Variants in RARB observed in about 807,000 individuals in gnomAD.
RARB encodes retinoic acid receptor beta, also known as HBV-activated protein.
In RARB, 17 loss-of-function variants were observed where a neutral mutation model predicts 51.9. The observed-to-expected ratio is 0.33, with a 90% CI of 0.22 to 0.49. RARB has a LOEUF of 0.49. Among genes scored for constraint, RARB ranks in the 20% least tolerant of loss-of-function variants. The pLI is 0.99. For synonymous variants in RARB, 215 were observed against 195.4 expected, an observed-to-expected ratio of 1.10 and a Z score of -0.84; for missense variants, 369 against 550.8, an observed-to-expected ratio of 0.67 and a Z score of 3.30.
At position 25,131,435 on chromosome 3, in the gene RARB, T is replaced by G; in HGVS notation, c.-327-726T>G. ...TTTCTTTTTAAACATTTTGATCAGA[T>G]GTAGGGTTTTATAGTCGTATTGTTT... On this transcript the variant is annotated intron_variant, in intron 3 of 11. Transcript: ENST00000383772. 1.3e-5 allele frequency among the ~76,000 whole-genome samples: 2 copies of G among 152,012 alleles called. 1 individual carries two copies. Among genetic ancestry groups the G allele is most frequent in the South Asian group, 4.1e-4 (2 of 4,836 alleles).
chr3:25,330,970 G>C (rs762046871), intron 5 of RARB, among the ~76,000 whole-genome samples: 1 of 152,194 alleles, frequency 6.6e-6, no homozygotes, highest in Admixed American at 6.5e-5. Flanking sequence ...AACAAGAAGA[G>C]TTAACTGTGC....
At chr3:25,070,660 C>T (rs936534305) in intron 3 of RARB, among the ~76,000 whole-genome samples, 6 of 152,192 alleles carry the variant, frequency 3.9e-5, no homozygotes, top group Non-Finnish European at 7.3e-5. Flanking sequence ...TTGCCAGACA[C>T]AATCCCTGAG....
intron 2 of RARB, among the ~76,000 whole-genome samples, chr3:24,891,188 C>T (rs965324214): frequency 3.3e-5 from 5 of 152,240 alleles, no homozygotes; most frequent in Non-Finnish European, 4.4e-5. Context: ...TATCTCATGA[C>T]GTTTTGCCTT....
chr3:25,532,091 T>A (rs1364335048), intron 3 of RARB, among the ~76,000 whole-genome samples: 5 of 152,150 alleles, frequency 3.3e-5, no homozygotes, highest in African/African-American at 7.2e-5. Flanking sequence ...TTATTTTGTG[T>A]CAATTTGCCT....
chr3:25,394,604 A>G (rs1375149428), intron 5 of RARB, among the ~76,000 whole-genome samples: 1 of 152,148 alleles, frequency 6.6e-6, no homozygotes, highest in African/African-American at 2.4e-5. Flanking sequence ...ATATATATTT[A>G]GGATTGTGAT....
At chr3:25,024,826 G>A (rs963197197) in intron 2 of RARB, among the ~76,000 whole-genome samples, 1 of 151,760 alleles carries the variant, frequency 6.6e-6, no homozygotes, top group Middle Eastern at 3.2e-3. Flanking sequence ...GGTGACACAC[G>A]GCAGTAGTCC....
chr3:25,434,884 T>G (rs918849889), intron 1 of RARB, among the ~76,000 whole-genome samples: 3 of 152,136 alleles, frequency 2.0e-5, no homozygotes, highest in Non-Finnish European at 4.4e-5. Context: ...CCCATCTGCA[T>G]CAGATGACAA....
At chr3:25,227,553 T>A (rs1259034306) in intron 5 of RARB, among the ~76,000 whole-genome samples, 2 of 152,178 alleles carry the variant, frequency 1.3e-5, no homozygotes, top group East Asian at 3.9e-4. Flanking sequence ...AAAGTAATTG[T>A]TGACAGCTTG....
At chr3:24,918,441 T>G (rs935355325) in intron 2 of RARB, among the ~76,000 whole-genome samples, 1 of 152,164 alleles carries the variant, frequency 6.6e-6, no homozygotes, top group Non-Finnish European at 1.5e-5. Flanking sequence ...GGGGTCTTTT[T>G]GGGGTGACGG....
At chr3:24,887,039 C>T (rs1468756716) in intron 2 of RARB, among the ~76,000 whole-genome samples, 1 of 152,186 alleles carries the variant, frequency 6.6e-6, no homozygotes, top group Non-Finnish European at 1.5e-5. Context: ...CTCATTTCTG[C>T]TTTTTTGAAT....
At chr3:25,554,140 G>A (rs73048068) in intron 3 of RARB, among the ~76,000 whole-genome samples, 26,821 of 150,188 alleles carry the variant, frequency 0.18, 2,956 homozygotes, top group East Asian at 0.37. Context: ...GGGATTTCCC[G>A]AGAGAAAGTA....
intron 2 of RARB, among the ~76,000 whole-genome samples, chr3:25,042,485 CT>C (rs1280513360): frequency 1.3e-5 from 2 of 152,202 alleles, no homozygotes; most frequent in South Asian, 2.1e-4. Context: ...CTGCTCATGA[CT>C]TTCTCTTCAG....
At chr3:25,258,452 A>G (rs1163388812) in intron 5 of RARB, among the ~76,000 whole-genome samples, 1 of 152,120 alleles carries the variant, frequency 6.6e-6, no homozygotes, top group Non-Finnish European at 1.5e-5. Flanking sequence ...GGTTTGCTTG[A>G]TGAAATGATT....
At chr3:24,871,973 T>G (rs1469808745) in intron 2 of RARB, among the ~76,000 whole-genome samples, 1 of 152,178 alleles carries the variant, frequency 6.6e-6, no homozygotes, top group Non-Finnish European at 1.5e-5. Context: ...CGGTCATCTC[T>G]TGACTTTGAA....
intron 2 of RARB, among the ~76,000 whole-genome samples, chr3:24,891,303 G>A (rs1045497116): frequency 3.3e-5 from 5 of 152,030 alleles, no homozygotes; most frequent in African/African-American, 1.2e-4. Flanking sequence ...CCAACTAATA[G>A]CAGGGGTTCT....
At position 25,203,793 on chromosome 3, in the gene RARB, A is replaced by G. The variant is rs531991033; in HGVS notation, c.178+29218A>G. ...CTTCTGGCTTGTAGAGTTTCTGTCA[A>G]GAAATCTACTATTAGTCTGATGGGC... On this transcript the variant is annotated intron_variant, in intron 5 of 11. Transcript: ENST00000383772. Among the ~76,000 whole-genome samples, 28 of 152,372 alleles carry G rather than the reference A, an allele frequency of 1.8e-4. No homozygotes were observed. The South Asian group carries it at 3.7e-3, about 20-fold the overall frequency.
chr3:24,892,497 C>A (rs1703405154), intron 2 of RARB, among the ~76,000 whole-genome samples: 1 of 152,174 alleles, frequency 6.6e-6, no homozygotes, highest in South Asian at 2.1e-4. Flanking sequence ...CTTAGCACTG[C>A]ATTAAATTTT....
intron 5 of RARB, among the ~76,000 whole-genome samples, chr3:25,365,583 C>G (rs2125467590): frequency 1.3e-5 from 2 of 152,294 alleles, no homozygotes; most frequent in South Asian, 4.1e-4. Flanking sequence ...TGGCTTATCT[C>G]TGCTCCACAA....
chr3:24,942,588 T>C (rs566658697), intron 2 of RARB, among the ~76,000 whole-genome samples: 40 of 152,348 alleles, frequency 2.6e-4, no homozygotes, highest in African/African-American at 8.4e-4. Flanking sequence ...TCTGTGCCTT[T>C]ACTACCTAAG....
Sources: allele counts gnomAD v4.1 joint callset (sites outside exome capture counted in the v4.1 genomes callset), GRCh38; gene constraint gnomAD v4.1.1; transcripts MANE v1.5; gene names NCBI Gene and HGNC (gene_info 2026-07-23, HGNC 2026-07-21).